The following SGK1 variants were observed in gnomAD, a reference collection of about 807,000 sequenced individuals.
SGK1 encodes the protein serum/glucocorticoid regulated kinase 1, also known as serine/threonine-protein kinase Sgk1.
SGK1 carries 26 observed loss-of-function variants against 64.2 expected under a neutral mutation model. That is an observed-to-expected ratio of 0.40 (90% CI 0.30 to 0.56). The LOEUF (loss-of-function observed/expected upper bound fraction) is 0.56. Among genes scored for constraint, SGK1 ranks in the 20% least tolerant of loss-of-function variants. The probability of loss-of-function intolerance (pLI) is 0.38; values close to 1 mark genes in which losing one functional copy is unlikely to be tolerated. For missense variants in SGK1, 519 were observed against 645.6 expected, an observed-to-expected ratio of 0.80 and a Z score of 2.12; for synonymous variants, 265 against 239.7, an observed-to-expected ratio of 1.11 and a Z score of -0.98.
rs141427311 is a variant in SGK1 at position 134,306,805 on chromosome 6, C to A, written c.69+10587G>T. ...TACAGATGTTAGCCACTGAGCTCGA[C>A]CTGGAAGCTTATGATTTCTTATTTT... On this transcript the variant is annotated intron_variant, in intron 1 of 13. Coordinates refer to ENST00000367858, the MANE Select transcript of SGK1 (RefSeq NM_001143676.3). Among the ~76,000 whole-genome samples the A allele has an allele frequency of 4.0e-5, 6 of 151,246 alleles. No homozygotes were observed. In the East Asian group the frequency reaches 1.2e-3, roughly 29 times the overall value.
At chr6:134,215,356 T>G (rs1218338248) in intron 2 of SGK1, among the ~76,000 whole-genome samples, 1 of 151,724 alleles carries the variant, frequency 6.6e-6, no homozygotes, top group African/African-American at 2.4e-5. Context: ...CCTCAAGAGA[T>G]CTGCTCACCT....
In SGK1 at chr6:134,303,637, C is replaced by A. The variant is rs543796975; in HGVS notation, c.69+13755G>T. ...TTTTAGTGAAATAGAAAGTTTTAGC[C>A]AGGTGTAGTAGTGCTGGGTGCCTGT... is the stretch of plus-strand genomic sequence containing the variant. On this transcript the variant is annotated intron_variant, in intron 1 of 13. Transcript: ENST00000367858. Among the ~76,000 whole-genome samples the A allele has an allele frequency of 9.2e-5, 14 of 151,442 alleles. No homozygotes were observed. The East Asian group carries it at 2.5e-3, about 27-fold the overall frequency.
chr6:134,189,223 T>TGTGTGTGTGCGC (rs751805559), intron 3 of SGK1, among the ~76,000 whole-genome samples: 1 of 149,708 alleles, frequency 6.7e-6, no homozygotes, highest in African/African-American at 2.5e-5. Context: ...TGTGTGTGTG[T>TGTGTGTGTGCGC]GTGTGCGTGT....
intron 3 of SGK1, among the ~76,000 whole-genome samples, chr6:134,202,431 G>A (rs1046627976): frequency 1.3e-5 from 2 of 152,072 alleles, no homozygotes. Flanking sequence ...ATCACTTGAG[G>A]TCAGGAGTTC....
In SGK1 at chr6:134,262,026, C is replaced by T; in HGVS notation, c.192G>A (p.Leu64=). 2 of 1,613,842 alleles carry T rather than the reference C, an allele frequency of 1.2e-6. No homozygotes were observed. The highest frequency in any genetic ancestry group is 4.5e-5 in the East Asian group (2 of 44,890). The stretch of plus-strand genomic sequence containing the variant: ...CATGTTCACCCAGGCATGTTTGACA[C>T]AAGGAAGACTCGAAGTCTGGCTCCC... The part of the protein sequence containing the change: ...PPGEPDFESS[L]CQTCLGEHAF... The change falls in exon 2 of 14, where the codon TTG becomes TTA. Residue 64 remains leucine (L), a synonymous_variant. Transcript: ENST00000367858.
chr6:134,206,338 GAT>G (rs71003676), intron 3 of SGK1, among the ~76,000 whole-genome samples: 101 of 32,744 alleles, frequency 3.1e-3, no homozygotes, highest in South Asian at 7.8e-3. Flanking sequence ...TGTACCTGAT[GAT>G]ATATATATAT....
intron 2 of SGK1, among the ~76,000 whole-genome samples, chr6:134,258,271 T>C (rs994789570): frequency 4.6e-5 from 7 of 152,038 alleles, no homozygotes; most frequent in African/African-American, 1.7e-4. Flanking sequence ...GCTCAGCTAA[T>C]TTTATTTTAT....
intron 2 of SGK1, among the ~76,000 whole-genome samples, chr6:134,229,060 T>G (rs1776236575): frequency 6.6e-6 from 1 of 152,236 alleles, no homozygotes; most frequent in African/African-American, 2.4e-5. Flanking sequence ...CTCGATCTCC[T>G]GACCTCGTGA....
chr6:134,175,180 T>C (rs532332195), intron 3 of SGK1, among the ~76,000 whole-genome samples: 20 of 152,206 alleles, frequency 1.3e-4, no homozygotes, highest in South Asian at 6.2e-4. Context: ...GGGGTAGTTT[T>C]CCACCTCTCT....
intron 3 of SGK1, among the ~76,000 whole-genome samples, chr6:134,185,988 G>A (rs1017393377): frequency 2.0e-5 from 3 of 152,008 alleles, no homozygotes; most frequent in East Asian, 3.8e-4. Flanking sequence ...TAGTGGGGGC[G>A]GGTCTTTTCT....
chr6:134,284,448 G>A (rs745880823), intron 1 of SGK1, among the ~76,000 whole-genome samples: 3 of 151,450 alleles, frequency 2.0e-5, no homozygotes, highest in Non-Finnish European at 4.4e-5. Flanking sequence ...ACACTTAGAA[G>A]TGAGAACATA....
chr6:134,172,373 T>C, intron 9 of SGK1, 57 bp from the exon 10 acceptor site: 1 of 1,535,220 alleles, frequency 6.5e-7, no homozygotes, highest in Non-Finnish European at 8.9e-7. Flanking sequence ...TCATAAGATA[T>C]CCTCTTAAAG....
chr6:134,275,906 C>T (rs1777010709), intron 1 of SGK1, among the ~76,000 whole-genome samples: 1 of 152,192 alleles, frequency 6.6e-6, no homozygotes, highest in African/African-American at 2.4e-5. Context: ...TTCTTTCATC[C>T]ATTTGGGTAT....
intron 2 of SGK1, among the ~76,000 whole-genome samples, chr6:134,245,855 CA>C (rs1262790915): frequency 6.6e-6 from 1 of 152,182 alleles, no homozygotes; most frequent in Non-Finnish European, 1.5e-5. Context: ...AATACAAAAA[CA>C]AGTCTTAACA....
chr6:134,199,275 C>G (rs1775644137), intron 3 of SGK1, among the ~76,000 whole-genome samples: 1 of 152,034 alleles, frequency 6.6e-6, no homozygotes, highest in South Asian at 2.1e-4. Flanking sequence ...CTTACCTATG[C>G]TGGCCCGGCA....
Position 134,262,137 on chromosome 6 carries a change from C to T in SGK1, c.81G>A (p.Trp27Ter). 3 of 1,586,024 alleles carry T rather than the reference C, an allele frequency of 1.9e-6. No individual in the cohort carries two copies. The highest frequency in any genetic ancestry group is 2.3e-5 in the East Asian group (1 of 44,242). Residue 27 changes from tryptophan (W) to a stop codon, truncating the protein, a stop_gained, in exon 2 of 14, where the codon TGG becomes TGA. Transcript: ENST00000367858. LOFTEE classifies it high-confidence loss of function. The stretch of plus-strand genomic sequence containing the variant: ...CCACACTGACCATTGGGCTCTTGAT[C>T]CACCTTCGTACCTGCAATGTGCAAA... ...FQFFKKRVRR[W>*]IKSPMVSVDK... is the part of the protein sequence containing the mutation.
chr6:134,237,611 G>A (rs1776385107), intron 2 of SGK1, among the ~76,000 whole-genome samples: 2 of 152,146 alleles, frequency 1.3e-5, no homozygotes, highest in South Asian at 2.1e-4. Context: ...CGGGAAGGCA[G>A]AGGTTGCAGT....
At chr6:134,177,100 GTTA>G (rs1332528628) in intron 3 of SGK1, among the ~76,000 whole-genome samples, 41 of 152,180 alleles carry the variant, frequency 2.7e-4, no homozygotes, top group African/African-American at 8.9e-4. Context: ...TGTAGTCCCA[GTTA>G]CTCGGGAGGC....
rs773725661 is a variant in SGK1, at chr6:134,257,536, TAC to T, written c.285+4395_285+4396del. Among the ~76,000 whole-genome samples, 229 of 152,236 alleles carry T rather than the reference TAC, an allele frequency of 1.5e-3. 3 individuals are homozygous for T. The highest frequency in any genetic ancestry group is 1.9e-3 in the Non-Finnish European group (129 of 68,052). ...CTATATTTTATCTTTACATATAGAA[TAC>T]AGAGTTTAATTTTATTGTACTTTTC... On this transcript the variant is annotated intron_variant, in intron 2 of 13. Transcript: ENST00000367858.
Sources: gnomAD v4.1 joint callset for allele counts (sites outside exome capture counted in the v4.1 genomes callset) on GRCh38, gnomAD v4.1.1 for gene constraint, MANE v1.5 for transcripts, NCBI Gene and HGNC (gene_info 2026-07-23, HGNC 2026-07-21) for gene names.